Variants in MYO3A observed in about 807,000 individuals in gnomAD.
The protein encoded by MYO3A is myosin-IIIa.
In MYO3A, 180 loss-of-function variants were observed where a neutral mutation model predicts 192.7. The observed-to-expected ratio is 0.93, with a 90% confidence interval of 0.83 to 1.06. MYO3A has a LOEUF of 1.06. MYO3A is among the 50% of genes least tolerant of loss of function. The pLI, the probability that MYO3A is intolerant of heterozygous loss-of-function variation, is 0.00. For synonymous variants in MYO3A, 628 were observed against 645.3 expected, an observed-to-expected ratio of 0.97 and a Z score of 0.41; for missense variants, 1,896 against 1,905.0, an observed-to-expected ratio of 1.00 and a Z score of 0.09.
chr10:26,030,939 A>T (rs1416549680), intron 10 of MYO3A, among the ~76,000 whole-genome samples: 1 of 152,230 alleles, frequency 6.6e-6, no homozygotes, highest in Non-Finnish European at 1.5e-5. Flanking sequence ...TGAAGAATTA[A>T]GACCATGTTA....
chr10:26,196,887 A>T (rs1589115791), intron 32 of MYO3A, among the ~76,000 whole-genome samples: 1 of 152,362 alleles, frequency 6.6e-6, no homozygotes, highest in East Asian at 1.9e-4. Context: ...TAATGATCAA[A>T]TCAGGATAAC....
chr10:25,951,118 G>A (rs1168439034), intron 2 of MYO3A, among the ~76,000 whole-genome samples: 1 of 152,002 alleles, frequency 6.6e-6, no homozygotes. Context: ...GCCAGGTATT[G>A]GACATACAGT....
At chr10:26,067,722 C>A (rs558852967) in intron 11 of MYO3A, among the ~76,000 whole-genome samples, 2 of 152,186 alleles carry the variant, frequency 1.3e-5, no homozygotes, top group Admixed American at 1.3e-4. Flanking sequence ...AAATTCTAGT[C>A]TCAGCCTACT....
chr10:26,155,337 G>A (rs957816308), intron 25 of MYO3A, among the ~76,000 whole-genome samples: 5 of 152,168 alleles, frequency 3.3e-5, no homozygotes, highest in Non-Finnish European at 7.3e-5. Flanking sequence ...GCTTAGCATA[G>A]GATCAAGGCG....
chr10:26,090,351 G>T (rs1836624710), intron 15 of MYO3A, among the ~76,000 whole-genome samples: 1 of 152,160 alleles, frequency 6.6e-6, no homozygotes, highest in African/African-American at 2.4e-5. Flanking sequence ...TATCATTAAT[G>T]CTTACTGAAA....
intron 34 of MYO3A, among the ~76,000 whole-genome samples, chr10:26,205,796 T>C (rs1232472337): frequency 2.0e-5 from 3 of 151,882 alleles, no homozygotes; most frequent in Non-Finnish European, 4.4e-5. Context: ...TTTTTTTGTA[T>C]TTTTAGTAGA....
At chr10:26,104,733 TG>T (rs1409206374) in intron 17 of MYO3A, among the ~76,000 whole-genome samples, 5 of 151,974 alleles carry the variant, frequency 3.3e-5, no homozygotes. Context: ...AAAATTTTTT[TG>T]TTCAGCTCCC....
At chr10:26,107,598 A>G (rs1837898807) in intron 17 of MYO3A, among the ~76,000 whole-genome samples, 1 of 151,106 alleles carries the variant, frequency 6.6e-6, no homozygotes, top group Non-Finnish European at 1.5e-5. Context: ...ATCTTTTTGA[A>G]TTTGTTTTTC....
chr10:25,947,034 T>C (rs1050754352), intron 2 of MYO3A, among the ~76,000 whole-genome samples: 2 of 152,128 alleles, frequency 1.3e-5, no homozygotes, highest in Admixed American at 6.5e-5. Context: ...CTTTTCTATC[T>C]TGAACTCTCA....
At chr10:25,956,760 G>A (rs1317583399) in intron 4 of MYO3A, among the ~76,000 whole-genome samples, 2 of 151,502 alleles carry the variant, frequency 1.3e-5, no homozygotes, top group South Asian at 2.1e-4. Context: ...AAAATTTTAA[G>A]TACAGGAGTA....
intron 17 of MYO3A, among the ~76,000 whole-genome samples, chr10:26,107,689 TA>T (rs531597716): frequency 1.3e-5 from 2 of 152,278 alleles, no homozygotes; most frequent in Admixed American, 1.3e-4. Flanking sequence ...TTTCTTATAA[TA>T]CTTTAAATTA....
rs998221807 is a variant in MYO3A, at chr10:26,024,428, C to T, written c.797+341C>T. Among the ~76,000 whole-genome samples, 60 of 152,110 alleles carry T rather than the reference C, an allele frequency of 3.9e-4. 3 individuals are homozygous for T. Among genetic ancestry groups the T allele is most frequent in the Non-Finnish European group, 1.5e-5 (1 of 68,024 alleles). On this transcript the variant is annotated intron_variant, in intron 9 of 34. Coordinates refer to ENST00000642920, the MANE Select transcript of MYO3A (RefSeq NM_017433.5). ...GTTTCGCTTCTTTATCCATCTTTAT[C>T]CTCTGTGCCTTTTAATTGGGGCATT...
chr10:26,075,813 A>G (rs1245969671), intron 14 of MYO3A, among the ~76,000 whole-genome samples: 1 of 148,428 alleles, frequency 6.7e-6, no homozygotes, highest in Non-Finnish European at 1.5e-5. Context: ...TATGATATAT[A>G]TATGTCTCTC....
intron 31 of MYO3A, among the ~76,000 whole-genome samples, chr10:26,190,640 A>G (rs980391688): frequency 3.3e-5 from 5 of 152,220 alleles, no homozygotes; most frequent in South Asian, 2.1e-4. Context: ...GAAAAATAAG[A>G]TAAGTCATCT....
chr10:26,200,242 TA>T (rs1256727557), intron 32 of MYO3A, among the ~76,000 whole-genome samples: 6 of 152,216 alleles, frequency 3.9e-5, no homozygotes. Flanking sequence ...TCTACTATTT[TA>T]GAGCACAACA....
At chr10:26,034,122 C>G (rs1469530043) in intron 10 of MYO3A, among the ~76,000 whole-genome samples, 1 of 152,194 alleles carries the variant, frequency 6.6e-6, no homozygotes, top group African/African-American at 2.4e-5. Flanking sequence ...TACACCAAGG[C>G]AGACTACAGC....
intron 2 of MYO3A, among the ~76,000 whole-genome samples, chr10:25,946,372 C>T (rs1231503271): frequency 6.6e-6 from 1 of 151,310 alleles, no homozygotes; most frequent in East Asian, 1.9e-4. Context: ...ATAGAATTCT[C>T]AGTTGACAGG....
intron 7 of MYO3A, 119 bp from the exon 8 acceptor site, chr10:26,021,384 C>A: frequency 1.6e-6 from 2 of 1,225,678 alleles, no homozygotes; most frequent in Non-Finnish European, 2.4e-6. Flanking sequence ...CTGCCTTCGT[C>A]TTTACTTATA....
At chr10:26,072,274 A>G (rs1201689404) in intron 14 of MYO3A, among the ~76,000 whole-genome samples, 2 of 152,140 alleles carry the variant, frequency 1.3e-5, no homozygotes, top group African/African-American at 4.8e-5. Context: ...GGGGACACAG[A>G]GCCAAACCAT....
Sources: allele counts gnomAD v4.1 joint callset (sites outside exome capture counted in the v4.1 genomes callset), GRCh38; gene constraint gnomAD v4.1.1; transcripts MANE v1.5; gene names NCBI Gene and HGNC (gene_info 2026-07-23, HGNC 2026-07-21).